KNDC1: variants seen among roughly 807,000 people sequenced by gnomAD.
The protein encoded by KNDC1 is kinase non-catalytic C-lobe domain containing 1.
A neutral mutation model predicts 172.8 loss-of-function variants in KNDC1; 106 were observed. That is an observed-to-expected ratio of 0.61 (90% CI 0.52 to 0.72). KNDC1 has a LOEUF of 0.72. KNDC1 is among the 30% of genes least tolerant of loss of function. The pLI, the probability that KNDC1 is intolerant of heterozygous loss-of-function variation, is 0.00. For missense variants in KNDC1, 2,325 were observed against 2,394.5 expected, an observed-to-expected ratio of 0.97 and a Z score of 0.61; for synonymous variants, 1,083 against 1,062.2, an observed-to-expected ratio of 1.02 and a Z score of -0.38.
chr10:133,179,512 C>T (rs537110704), intron 3 of KNDC1: 1 of 152,252 alleles, frequency 6.6e-6, no homozygotes, highest in Non-Finnish European at 1.5e-5. Flanking sequence ...CTTCCTGAAG[C>T]GAGACTCGGG....
chr10:133,170,373 G>A lies in KNDC1; in HGVS notation c.360+2061G>A, dbSNP rs78436147. ...GGGCCTGGGATCTGGGGTCTGGCCT[G>A]GGGTCTGGGGTCTGGCCTGGGGTCT... On this transcript the variant is annotated intron_variant, in intron 3 of 29. Coordinates refer to ENST00000304613, the MANE Select transcript of KNDC1 (RefSeq NM_152643.8). Among the ~76,000 whole-genome samples the A allele has an allele frequency of 6.6e-3, 1,008 of 151,864 alleles. 7 individuals carry two copies. Among genetic ancestry groups the A allele is most frequent in the Admixed American group, 9.7e-3 (148 of 15,246 alleles).
Position 133,206,932 on chromosome 10 carries a change from C to T in KNDC1, c.3558C>T (p.Ser1186=), listed in dbSNP as rs1845212281. 6.2e-7 allele frequency: 1 copy of T among 1,614,048 alleles called. No homozygotes were observed. The change falls in exon 19 of 30, where the codon AGC becomes AGT. Residue 1186 remains serine (S), a synonymous_variant. Coordinates refer to ENST00000304613, the MANE Select transcript of KNDC1 (RefSeq NM_152643.8). ...EEMKSRVQFL[S]LVKKYLQVMY... is the part of the protein sequence containing the mutation. ...TGAAATCCAGGGTGCAATTCCTCAG[C>T]TTGGTCAAGAAGTATCTGCAGGCAA...
chr10:133,208,974 G>A (rs1344614264), intron 20 of KNDC1, among the ~76,000 whole-genome samples: 1 of 152,072 alleles, frequency 6.6e-6, no homozygotes, highest in Non-Finnish European at 1.5e-5. Context: ...GGTATAATGT[G>A]ACATGTGTGC....
At position 133,197,661 on chromosome 10, in the gene KNDC1, C is replaced by T; in HGVS notation, c.1813-14C>T. 6.2e-7 allele frequency: 1 copy of T among 1,605,698 alleles called. No homozygotes were observed. The highest frequency in any genetic ancestry group is 8.5e-7 in the Non-Finnish European group (1 of 1,173,848). ...CCGTGGTCACCTGGCCCAGGGCTGTCACCTCCTCCCCAGGTGTACCAGGAG... is the reference window on the plus strand; with the variant it reads ...CCGTGGTCACCTGGCCCAGGGCTGTTACCTCCTCCCCAGGTGTACCAGGAG... On this transcript the variant is annotated splice_polypyrimidine_tract_variant and intron_variant, in intron 11 of 29. Transcript: ENST00000304613.
Position 133,201,675 on chromosome 10 carries a change from G to A in KNDC1, c.3164G>A (p.Arg1055Gln), listed in dbSNP as rs201968150. ...AQQPEAGEDR[R>Q]PAGGASDVEA... ...CAGCCTGAGGCTGGCGAGGACAGACGGCCAGCTGGCGGGGCCTCAGACGTG... is the reference window on the plus strand; with the variant it reads ...CAGCCTGAGGCTGGCGAGGACAGACAGCCAGCTGGCGGGGCCTCAGACGTG... The change falls in exon 17 of 30, where the codon CGG (arginine) becomes CAG (glutamine). Residue 1055 changes from arginine (R) to glutamine (Q), a missense_variant. By Grantham distance (43) the Arg-to-Gln change is conservative. Transcript: ENST00000304613. 1.6e-4 allele frequency: 265 copies of A among 1,612,622 alleles called. 1 individual carries two copies. The highest frequency in any genetic ancestry group is 6.7e-4 in the Middle Eastern group (4 of 5,992).
At chr10:133,177,976 ATG>A (rs770569134) in intron 3 of KNDC1, among the ~76,000 whole-genome samples, 36 of 144,392 alleles carry the variant, frequency 2.5e-4, no homozygotes, top group Non-Finnish European at 4.6e-4. Context: ...TGTAGCGTGC[ATG>A]TGTGTGCAGT....
intron 29 of KNDC1, among the ~76,000 whole-genome samples, chr10:133,222,712 G>A (rs1255797037): frequency 1.4e-4 from 2 of 14,360 alleles, no homozygotes; most frequent in African/African-American, 3.6e-4. Context: ...TGCTCTTCCC[G>A]GCGTGTGTGT....
In KNDC1 at chr10:133,161,530, G is replaced by T. The variant is rs906996915; in HGVS notation, c.102+961G>T. 3.9e-5 allele frequency among the ~76,000 whole-genome samples: 6 copies of T among 152,274 alleles called. No homozygotes were observed. The South Asian group carries it at 6.2e-4, about 16-fold the overall frequency. On this transcript the variant is annotated intron_variant, in intron 1 of 29. Transcript: ENST00000304613. The stretch of plus-strand genomic sequence containing the variant: ...CAGGGGAGTGGGCTCTGAAGGGACC[G>T]GGAGTTTCTGCTGTGGAAGCACCGT...
rs1053525790 is a variant in KNDC1, at chr10:133,224,974, C to T, written c.*84C>T. ...GGAGGTGGGAGCCGCGTCTCAGGCC[C>T]GGCCGTTATCAAGGCCCCTCCGCCC... On this transcript the variant is annotated 3_prime_UTR_variant, in exon 30 of 30. Coordinates refer to ENST00000304613, the MANE Select transcript of KNDC1 (RefSeq NM_152643.8). This position sits in a 1 kb window ranked among gnomAD's most constrained non-coding sequence, Gnocchi z 5.4. 4 of 1,134,760 alleles carry T rather than the reference C, an allele frequency of 3.5e-6. No homozygotes were observed. The highest frequency in any genetic ancestry group is 5.1e-5 in the East Asian group (2 of 39,182). The allele number at this position is 1,134,760 out of a possible 1,614,324, so 70.3% of individuals were successfully genotyped here.
rs771092283 is a variant in KNDC1 at position 133,167,268 on chromosome 10, C to T, written c.103-113C>T. 4.4e-4 allele frequency: 434 copies of T among 978,508 alleles called. 1 individual carries two copies. Among genetic ancestry groups the T allele is most frequent in the Non-Finnish European group, 6.0e-4 (401 of 669,886 alleles). The allele number at this position is 978,508 out of a possible 1,614,324, so 60.6% of individuals were successfully genotyped here. On this transcript the variant is annotated intron_variant, in intron 1 of 29. Transcript: ENST00000304613. ...GGTCTAAAGCCCTTTCCCTGACCCACGCGTTGAAACGCTGCCACGAGTCGT... is the reference window on the plus strand; with the variant it reads ...GGTCTAAAGCCCTTTCCCTGACCCATGCGTTGAAACGCTGCCACGAGTCGT...
rs1229526875 is a variant in KNDC1 at position 133,198,863 on chromosome 10, G to A, written c.2355G>A (p.Pro785=). 6.3e-6 allele frequency: 10 copies of A among 1,598,050 alleles called. No homozygotes were observed. The highest frequency in any genetic ancestry group is 1.7e-4 in the Middle Eastern group (1 of 5,972). Residue 785 remains proline, a synonymous_variant, in exon 14 of 30, where the codon CCG becomes CCA. Coordinates refer to ENST00000304613, the MANE Select transcript of KNDC1 (RefSeq NM_152643.8). ...CTCCCGGCTCTCCAGTCCCCGCCCC[G>A]CCCACGAAGGCATCTGCGCTGCCCG... The part of the protein sequence containing the change: ...SAAPGSPVPA[P]PTKASALPVE...
At chr10:133,175,222 G>A (rs1374401495) in intron 3 of KNDC1, among the ~76,000 whole-genome samples, 1 of 150,134 alleles carries the variant, frequency 6.7e-6, no homozygotes, top group African/African-American at 2.5e-5. Flanking sequence ...TGGATGGATG[G>A]GTGGATGAAC....
Position 133,197,674 on chromosome 10 carries a change from G to T in KNDC1, c.1813-1G>T. 2 of 1,610,772 alleles carry T rather than the reference G, an allele frequency of 1.2e-6. No homozygotes were observed. Among genetic ancestry groups the T allele is most frequent in the East Asian group, 4.5e-5 (2 of 44,850 alleles). On this transcript the variant is annotated splice_acceptor_variant, in intron 11 of 29. Transcript: ENST00000304613. LOFTEE classifies it high-confidence loss of function. ...GCCCAGGGCTGTCACCTCCTCCCCA[G>T]GTGTACCAGGAGGAAGAGACCATCA...
intron 1 of KNDC1, among the ~76,000 whole-genome samples, chr10:133,165,193 C>T (rs571029391): frequency 2.6e-5 from 4 of 152,350 alleles, no homozygotes; most frequent in South Asian, 2.1e-4. Context: ...TGGAATTCAC[C>T]GCTAAAGTCA....
intron 28 of KNDC1, 42 bp from the exon 29 acceptor site, chr10:133,219,913 C>A (rs762406243): frequency 6.5e-7 from 1 of 1,534,642 alleles, no homozygotes; most frequent in Non-Finnish European, 8.8e-7. Context: ...GCACTGACCA[C>A]GCCCTGTCTC....
rs767791283 is a variant in KNDC1, at chr10:133,160,454, G to T, written c.-14G>T. On this transcript the variant is annotated 5_prime_UTR_variant, in exon 1 of 30. Coordinates refer to ENST00000304613, the MANE Select transcript of KNDC1 (RefSeq NM_152643.8). Reference sequence around the variant, plus strand: ...GCCGGAGGCCCCGGGGGCGGTGCGCGGCGCGGCCGCAGGATGCAGGCCATG... The same window carrying T: ...GCCGGAGGCCCCGGGGGCGGTGCGCTGCGCGGCCGCAGGATGCAGGCCATG... 8.0e-6 allele frequency: 12 copies of T among 1,504,110 alleles called. No homozygotes were observed. Among genetic ancestry groups the T allele is most frequent in the Non-Finnish European group, 8.0e-6 (9 of 1,125,080 alleles). 93.2% of individuals were successfully genotyped at this position (1,504,110 alleles called of 1,614,324 possible).
At chr10:133,214,164 C>T (rs370185721) in intron 26 of KNDC1, 42 bp downstream of exon 26, 1 of 1,606,482 alleles carries the variant, frequency 6.2e-7, no homozygotes, top group African/African-American at 1.3e-5. Context: ...GGGCGTGGGG[C>T]CCACCTACGC....
At chr10:133,173,549 G>A (rs1853437701) in intron 3 of KNDC1, among the ~76,000 whole-genome samples, 1 of 151,992 alleles carries the variant, frequency 6.6e-6, no homozygotes, top group Non-Finnish European at 1.5e-5. Flanking sequence ...TTTTAACAAT[G>A]TGAACAGATT....
chr10:133,215,918 C>T (rs766783620), intron 26 of KNDC1, among the ~76,000 whole-genome samples: 3 of 152,252 alleles, frequency 2.0e-5, no homozygotes, highest in Admixed American at 6.5e-5. Flanking sequence ...AAGGGAGCTG[C>T]GGATCGCTCA....
Sources: allele counts gnomAD v4.1 joint callset (sites outside exome capture counted in the v4.1 genomes callset), GRCh38; gene constraint gnomAD v4.1.1; non-coding constraint Gnocchi (gnomAD v3.1); transcripts MANE v1.5; gene names NCBI Gene and HGNC (gene_info 2026-07-23, HGNC 2026-07-21).